Variants in STAG1 observed in about 807,000 individuals in gnomAD.
The protein encoded by STAG1 is STAG1 cohesin complex component.
In STAG1, 26 loss-of-function variants were observed where a neutral mutation model predicts 170.9. The ratio of observed to expected loss-of-function variants is 0.15; its 90% CI spans 0.11 to 0.21. STAG1 has a LOEUF of 0.21. STAG1 is among the 10% of genes least tolerant of loss of function. STAG1 has a pLI of 1.00. For missense variants in STAG1, 964 were observed against 1,509.5 expected (o/e 0.64, Z 5.99); for synonymous variants, 514 against 497.7 (o/e 1.03, Z -0.44).
intron 5 of STAG1, among the ~76,000 whole-genome samples, chr3:136,556,640 T>C (rs1345371262): frequency 1.3e-5 from 2 of 152,116 alleles, no homozygotes; most frequent in African/African-American, 2.4e-5. Context: ...AGGAGTACAA[T>C]GGTGTGACCA....
At chr3:136,680,399 T>C (rs976920923) in intron 1 of STAG1, among the ~76,000 whole-genome samples, 8 of 152,148 alleles carry the variant, frequency 5.3e-5, no homozygotes, top group African/African-American at 1.9e-4. Flanking sequence ...TAAAGGCCTA[T>C]ATAAGTAAAA....
chr3:136,417,844 C>CT, intron 21 of STAG1, 41 bp downstream of exon 21: 1 of 1,514,404 alleles, frequency 6.6e-7, no homozygotes, highest in Non-Finnish European at 9.2e-7. Flanking sequence ...AGAAAAACAA[C>CT]TTTCTAGAGT....
At chr3:136,527,342 T>C (rs1296811880) in intron 6 of STAG1, among the ~76,000 whole-genome samples, 2 of 152,248 alleles carry the variant, frequency 1.3e-5, no homozygotes, top group African/African-American at 4.8e-5. Flanking sequence ...TTTCATTCAT[T>C]TGATCTTCAA....
At position 136,592,738 on chromosome 3, in the gene STAG1, T is replaced by C. The variant is rs149739508; in HGVS notation, c.297+11571A>G. On this transcript the variant is annotated intron_variant, in intron 4 of 33. Coordinates refer to ENST00000383202, the MANE Select transcript of STAG1 (RefSeq NM_005862.3). ...AGTAGGTGGCAATTTCTTATCCACA[T>C]AGAGATTACCAGCAGAAGGACTCTT... is the stretch of plus-strand genomic sequence containing the variant. Among the ~76,000 whole-genome samples, 44 of 152,246 alleles carry C rather than the reference T, an allele frequency of 2.9e-4. No individual in the cohort carries two copies. In the East Asian group the frequency reaches 7.0e-3, roughly 24 times the overall value.
intron 6 of STAG1, among the ~76,000 whole-genome samples, chr3:136,541,582 A>ACACCCACC (rs1553743137): frequency 1.3e-5 from 2 of 150,066 alleles, no homozygotes; most frequent in African/African-American, 4.9e-5. Flanking sequence ...ACACACACAC[A>ACACCCACC]CACCAGGGGT....
intron 9 of STAG1, among the ~76,000 whole-genome samples, chr3:136,485,335 T>C (rs1165795473): frequency 1.3e-5 from 2 of 152,064 alleles, no homozygotes; most frequent in Admixed American, 6.6e-5. Flanking sequence ...TGGGCACCTG[T>C]AGTCCCAGCT....
rs1192576318 is a variant in STAG1, at chr3:136,338,577, A to G, written c.3673-127T>C. 5.9e-6 allele frequency: 4 copies of G among 673,982 alleles called. No homozygotes were observed. In the East Asian group the frequency reaches 8.2e-5, roughly 14 times the overall value. The allele number at this position is 673,982 out of a possible 1,614,324, so 41.8% of individuals were successfully genotyped here. On this transcript the variant is annotated intron_variant, in intron 32 of 33. Coordinates refer to ENST00000383202, the MANE Select transcript of STAG1 (RefSeq NM_005862.3). The stretch of plus-strand genomic sequence containing the variant: ...CTGCTAAGAGTCAATTTTGAAAGGA[A>G]GAAGAGAATCTGGCTTTTATATGAA...
chr3:136,409,749 A>G (rs1018347029), intron 21 of STAG1, among the ~76,000 whole-genome samples: 1 of 152,146 alleles, frequency 6.6e-6, no homozygotes, highest in Admixed American at 6.6e-5. Flanking sequence ...CTCCCCATTA[A>G]CTGCCATTAA....
chr3:136,657,852 G>T (rs1455117815), intron 1 of STAG1, among the ~76,000 whole-genome samples: 1 of 152,106 alleles, frequency 6.6e-6, no homozygotes, highest in Non-Finnish European at 1.5e-5. Flanking sequence ...AGGCTGAAAA[G>T]GAATGAAATG....
chr3:136,366,837 T>C, intron 25 of STAG1, 106 bp downstream of exon 25: 1 of 869,578 alleles, frequency 1.1e-6, no homozygotes, highest in East Asian at 2.5e-5. Context: ...ATCATCCACA[T>C]TACATAGGTG....
At chr3:136,519,636 T>G (rs1025891841) in intron 7 of STAG1, among the ~76,000 whole-genome samples, 5 of 149,990 alleles carry the variant, frequency 3.3e-5, no homozygotes, top group African/African-American at 1.2e-4. Context: ...ACAGAAAGTA[T>G]AAAGAAAAGA....
intron 9 of STAG1, among the ~76,000 whole-genome samples, chr3:136,494,701 C>G (rs1473917456): frequency 4.6e-5 from 7 of 151,994 alleles, no homozygotes; most frequent in Admixed American, 4.6e-4. Flanking sequence ...TCATTCAAAA[C>G]AGAAAAAATA....
intron 22 of STAG1, among the ~76,000 whole-genome samples, chr3:136,382,520 A>G (rs1938030306): frequency 2.0e-5 from 3 of 150,418 alleles, no homozygotes; most frequent in African/African-American, 7.4e-5. Flanking sequence ...CTCCTACCTC[A>G]GCCTCCCAAA....
In STAG1 at chr3:136,690,945, G is replaced by C. The variant is rs548454357; in HGVS notation, c.-83-59964C>G. ...CTAGTTGCTGACTGCAATATCCAAC[G>C]GGGCAATGTTATCTCGATTTTTCTG... On this transcript the variant is annotated intron_variant, in intron 1 of 33. Transcript: ENST00000383202. 4.0e-5 allele frequency among the ~76,000 whole-genome samples: 6 copies of C among 151,130 alleles called. No individual in the cohort carries two copies. In the Admixed American group the frequency reaches 4.0e-4, roughly 10 times the overall value.
Position 136,623,011 on chromosome 3 carries a change from A to T in STAG1, c.132+135T>A, listed in dbSNP as rs1025935968. ...CACTGCCAAGACAATTTATGTGAAAAAAAGTTTCCAATCTCTATTGTGTCA... is the reference window on the plus strand; with the variant it reads ...CACTGCCAAGACAATTTATGTGAAATAAAGTTTCCAATCTCTATTGTGTCA... On this transcript the variant is annotated intron_variant, in intron 3 of 33. Transcript: ENST00000383202. The T allele has an allele frequency of 7.2e-5, 49 of 677,372 alleles. No homozygotes were observed. The Admixed American group carries it at 1.3e-3, about 18-fold the overall frequency. The allele number at this position is 677,372 out of a possible 1,614,324, so 42.0% of individuals were successfully genotyped here. A position where few individuals can be genotyped will look rare whatever the true frequency, so the allele number is the denominator to read the frequency against.
chr3:136,472,516 A>T (rs376319581), intron 11 of STAG1, 24 bp from the exon 12 acceptor site: 3 of 1,552,252 alleles, frequency 1.9e-6, no homozygotes, highest in Non-Finnish European at 2.7e-6. Flanking sequence ...GTTGTAAAAC[A>T]AACCAACTAT....
At position 136,531,478 on chromosome 3, in the gene STAG1, T is replaced by C. The variant is rs1453817390; in HGVS notation, c.472-10061A>G. 1.9e-4 allele frequency among the ~76,000 whole-genome samples: 28 copies of C among 149,352 alleles called. 1 individual carries two copies. The highest frequency in any genetic ancestry group is 2.2e-4 in the Non-Finnish European group (15 of 67,156). On this transcript the variant is annotated intron_variant, in intron 6 of 33. Coordinates refer to ENST00000383202, the MANE Select transcript of STAG1 (RefSeq NM_005862.3). ...ATGCACACGTCTGTTTATTGCGGCA[T>C]TATTCACAATAGCAAAGACTTGGAA...
intron 1 of STAG1, among the ~76,000 whole-genome samples, chr3:136,688,317 G>T (rs73230043): frequency 0.19 from 28,829 of 152,102 alleles, 3,111 homozygotes; most frequent in Non-Finnish European, 0.24. Context: ...AAGTCAACAG[G>T]TTGCAGACTG....
At chr3:136,420,937 T>C (rs549446909) in intron 20 of STAG1, among the ~76,000 whole-genome samples, 156 bp downstream of exon 20, 7 of 152,070 alleles carry the variant, frequency 4.6e-5, no homozygotes, top group Admixed American at 1.3e-4. Flanking sequence ...GTGGACACTC[T>C]CATGCCCAAT....
Sources: allele counts gnomAD v4.1 joint callset (sites outside exome capture counted in the v4.1 genomes callset), GRCh38; gene constraint gnomAD v4.1.1; transcripts MANE v1.5; gene names NCBI Gene and HGNC (gene_info 2026-07-23, HGNC 2026-07-21).